Variants in HEATR1 observed in about 807,000 individuals in gnomAD.
HEATR1 encodes the protein HEAT repeat containing 1.
In HEATR1, 77 loss-of-function variants were observed where a neutral mutation model predicts 248.2. The ratio of observed to expected loss-of-function variants is 0.31; its 90% confidence interval spans 0.26 to 0.37. The LOEUF (loss-of-function observed/expected upper bound fraction) is 0.37, where lower values mean the gene tolerates loss of function less well. Ranked by LOEUF, HEATR1 falls within the 10% of genes least tolerant of loss-of-function variation. HEATR1 has a pLI of 1.00. For missense variants in HEATR1, 2,420 were observed against 2,504.9 expected (o/e 0.97, Z 0.72); for synonymous variants, 897 against 923.1 (o/e 0.97, Z 0.51).
In HEATR1 at chr1:236,555,562, G is replaced by C. The variant is rs1558176756; in HGVS notation, c.5743C>G (p.Leu1915Val). The C allele has an allele frequency of 6.2e-7, 1 of 1,614,170 alleles. No homozygotes were observed. ...VKLSEVTFRP[L>V]FFKLFDWAKT... ...GAAGAAAGCGTCACCTTGAAGAACA[G>C]GGGCCTGAATGTGACCTCGGAAAGT... The change falls in exon 40 of 45, where the codon CTG (leucine) becomes GTG (valine). Residue 1915 changes from leucine to valine, a missense_variant. Coordinates refer to ENST00000366582, the MANE Select transcript of HEATR1 (RefSeq NM_018072.6).
chr1:236,581,442 TTTAA>T lies in HEATR1; in HGVS notation c.2563-32_2563-29del, dbSNP rs748899525. On this transcript the variant is annotated intron_variant, in intron 19 of 44. Coordinates refer to ENST00000366582, the MANE Select transcript of HEATR1 (RefSeq NM_018072.6). ...AATTAAAAAAAAAAAAAAGCAAACT[TTTAA>T]TTCTTACTCAAATAAGCTGGTTCCA... 9.0e-5 allele frequency: 124 copies of T among 1,377,822 alleles called. No homozygotes were observed. The African/African-American group carries it at 1.5e-3, about 17-fold the overall frequency. The allele number at this position is 1,377,822 out of a possible 1,614,324, so 85.3% of individuals were successfully genotyped here.
intron 30 of HEATR1, 38 bp from the exon 31 acceptor site, chr1:236,566,083 A>C: frequency 1.3e-6 from 2 of 1,595,512 alleles, no homozygotes; most frequent in Non-Finnish European, 8.5e-7. Context: ...ATCTGTACTT[A>C]GGAATTGTGA....
Position 236,559,136 on chromosome 1 carries a change from C to A in HEATR1, c.4771-1G>T. 4 of 1,549,102 alleles carry A rather than the reference C, an allele frequency of 2.6e-6. No homozygotes were observed. The highest frequency in any genetic ancestry group is 2.3e-5 in the Admixed American group (1 of 43,400). On this transcript the variant is annotated splice_acceptor_variant, in intron 34 of 44. Transcript: ENST00000366582. LOFTEE classifies it high-confidence loss of function. Reference sequence around the variant, plus strand: ...TCTCTGTGGGCAGCAAGGCATTGACCTAAAGAGAAATTTTATATTTAACAT... The same window carrying A: ...TCTCTGTGGGCAGCAAGGCATTGACATAAAGAGAAATTTTATATTTAACAT...
chr1:236,588,099 T>G, intron 12 of HEATR1, 56 bp from the exon 13 acceptor site: 1 of 1,321,362 alleles, frequency 7.6e-7, no homozygotes, highest in Non-Finnish European at 1.1e-6. Context: ...TCTTAAGGCT[T>G]TGCACTAGAA....
At position 236,574,061 on chromosome 1, in the gene HEATR1, G is replaced by A. The variant is rs112289074; in HGVS notation, c.3459+141C>T. ...AAATTTTTATTTTATGCCTCTCTCT[G>A]ACTTACTTTTCCATGATTTTTGTTA... On this transcript the variant is annotated intron_variant, in intron 24 of 44. Coordinates refer to ENST00000366582, the MANE Select transcript of HEATR1 (RefSeq NM_018072.6). The A allele has an allele frequency of 4.6e-3, 2,815 of 612,762 alleles. 66 individuals carry two copies. The African/African-American group carries it at 0.047, about 10-fold the overall frequency. The allele number at this position is 612,762 out of a possible 1,614,324, so 38.0% of individuals were successfully genotyped here. A position where few individuals can be genotyped will look rare whatever the true frequency, so the allele number is the denominator to read the frequency against.
At chr1:236,599,450 T>C in intron 4 of HEATR1, 33 bp downstream of exon 4, 1 of 1,574,976 alleles carries the variant, frequency 6.3e-7, no homozygotes, top group South Asian at 1.2e-5. Flanking sequence ...AGATCTGTAA[T>C]GATTACAGAC....
At chr1:236,590,804 C>G in intron 12 of HEATR1, 43 bp downstream of exon 12, 3 of 1,049,042 alleles carry the variant, frequency 2.9e-6, no homozygotes, top group Non-Finnish European at 4.0e-6. Flanking sequence ...CACTGCTCAT[C>G]ATAAGAAAAA....
In HEATR1 at chr1:236,566,526, G is replaced by A. The variant is rs1663274835; in HGVS notation, c.4308+120C>T. 7 of 763,606 alleles carry A rather than the reference G, an allele frequency of 9.2e-6. No homozygotes were observed. In the African/African-American group the frequency reaches 1.1e-4, roughly 12 times the overall value. The allele number at this position is 763,606 out of a possible 1,614,324, so 47.3% of individuals were successfully genotyped here. A position where few individuals can be genotyped will look rare whatever the true frequency, so the allele number is the denominator to read the frequency against. On this transcript the variant is annotated intron_variant, in intron 30 of 44. Coordinates refer to ENST00000366582, the MANE Select transcript of HEATR1 (RefSeq NM_018072.6). ...AAAACCTTTTTGAAAAAGGTTCTGA[G>A]CAAAAAGGTTCTAAATAACACACAT...
At chr1:236,598,057 G>T in intron 4 of HEATR1, 78 bp from the exon 5 acceptor site, 1 of 819,304 alleles carries the variant, frequency 1.2e-6, no homozygotes, top group Non-Finnish European at 2.0e-6. Flanking sequence ...CCCTAGTAAT[G>T]TCTTCATACT....
intron 17 of HEATR1, among the ~76,000 whole-genome samples, chr1:236,584,409 C>T (rs577202281): frequency 7.5e-4 from 114 of 152,106 alleles, no homozygotes; most frequent in African/African-American, 2.3e-3. Context: ...TGCGGGTATA[C>T]GTAAATGTGA....
chr1:236,572,671 A>G, intron 25 of HEATR1, 54 bp downstream of exon 25: 2 of 1,598,072 alleles, frequency 1.3e-6, no homozygotes, highest in Non-Finnish European at 1.7e-6. Flanking sequence ...ATGGTTTCAT[A>G]ACATTCAGAG....
chr1:236,600,426 T>C (rs149609681), intron 3 of HEATR1, among the ~76,000 whole-genome samples: 97 of 151,514 alleles, frequency 6.4e-4, no homozygotes, highest in African/African-American at 1.8e-3. Flanking sequence ...CCACCATGCC[T>C]GGCTAAGATG....
At chr1:236,561,870 T>C (rs111801641) in intron 32 of HEATR1, among the ~76,000 whole-genome samples, 1,708 of 152,354 alleles carry the variant, frequency 0.011, 40 homozygotes, top group African/African-American at 0.039. Flanking sequence ...GTTTAGTTTA[T>C]GTCCATTTTT....
intron 28 of HEATR1, among the ~76,000 whole-genome samples, chr1:236,570,142 A>T (rs1250971504): frequency 1.3e-5 from 2 of 152,134 alleles, no homozygotes; most frequent in African/African-American, 2.4e-5. Flanking sequence ...CAAAAAAATT[A>T]GCCGGGCGTG....
rs1332621939 is a variant in HEATR1, at chr1:236,596,898, G to A, written c.682C>T (p.Leu228=). The change falls in exon 6 of 45, where the codon CTG becomes TTG. Residue 228 remains leucine (L), a synonymous_variant. Transcript: ENST00000366582. ...AFYASTIVSA[L]VAAEDVSDNI... ...TCTGATACGTCCTCTGCAGCTACCAGCGCCGACACTATGGTAGAAGCATAG... is the reference window on the plus strand; with the variant it reads ...TCTGATACGTCCTCTGCAGCTACCAACGCCGACACTATGGTAGAAGCATAG... The A allele has an allele frequency of 6.2e-7, 1 of 1,614,086 alleles. No individual in the cohort carries two copies. The highest frequency in any genetic ancestry group is 2.2e-5 in the East Asian group (1 of 44,882).
chr1:236,562,975 TGATACA>T (rs1663172588), intron 32 of HEATR1, among the ~76,000 whole-genome samples: 1 of 152,246 alleles, frequency 6.6e-6, no homozygotes, highest in South Asian at 2.1e-4. Context: ...CCAGCCTGCT[TGATACA>T]GATCACAACC....
chr1:236,581,416 T>C lies in HEATR1; in HGVS notation c.2563-2A>G. ...CTGAAAAACATCTTCTAGATGCACC[T>C]AATTAAAAAAAAAAAAAAGCAAACT... is the stretch of plus-strand genomic sequence containing the variant. On this transcript the variant is annotated splice_acceptor_variant, in intron 19 of 44. Coordinates refer to ENST00000366582, the MANE Select transcript of HEATR1 (RefSeq NM_018072.6). LOFTEE classifies it high-confidence loss of function. The C allele has an allele frequency of 1.4e-6, 2 of 1,437,400 alleles. No homozygotes were observed. Among genetic ancestry groups the C allele is most frequent in the South Asian group, 1.5e-5 (1 of 66,918 alleles). The allele number at this position is 1,437,400 out of a possible 1,614,324, so 89.0% of individuals were successfully genotyped here.
chr1:236,585,957 G>A lies in HEATR1; in HGVS notation c.1928-16C>T, dbSNP rs768726113. On this transcript the variant is annotated splice_polypyrimidine_tract_variant and intron_variant, in intron 15 of 44. Transcript: ENST00000366582. ...TTTTCAAGAGCTGTAAAGTAAAATC[G>A]AATGCAGAGAGCTCTTATGTCACCA... 25 of 1,612,538 alleles carry A rather than the reference G, an allele frequency of 1.6e-5. No homozygotes were observed. The highest frequency in any genetic ancestry group is 1.2e-4 in the South Asian group (11 of 90,960).
intron 20 of HEATR1, among the ~76,000 whole-genome samples, chr1:236,579,105 C>T (rs547257150): frequency 8.5e-5 from 13 of 152,272 alleles, no homozygotes; most frequent in African/African-American, 3.1e-4. Flanking sequence ...GTTGAGCAAC[C>T]TTGATCCAAA....
Sources: gnomAD v4.1 joint callset for allele counts (sites outside exome capture counted in the v4.1 genomes callset) on GRCh38, gnomAD v4.1.1 for gene constraint, MANE v1.5 for transcripts, NCBI Gene and HGNC (gene_info 2026-07-23, HGNC 2026-07-21) for gene names.